The following CCL28 variants were observed in gnomAD, a reference collection of about 807,000 sequenced individuals.
CCL28 encodes C-C motif chemokine ligand 28.
CCL28 carries 4 observed loss-of-function variants against 7.1 expected under a neutral mutation model. The observed-to-expected ratio is 0.56, with a 90% CI of 0.28 to 1.29. The LOEUF is 1.29. Ranked by LOEUF, CCL28 falls within the 50% of genes most tolerant of loss-of-function variation. CCL28 has a pLI of 0.11. For missense variants in CCL28, 151 were observed against 163.4 expected, an observed-to-expected ratio of 0.92 and a Z score of 0.41; for synonymous variants, 55 against 57.8, an observed-to-expected ratio of 0.95 and a Z score of 0.22.
rs535457897 is a variant in CCL28, at chr5:43,399,132, C to T, written c.65-10656G>A. Among the ~76,000 whole-genome samples, 346 of 152,346 alleles carry T rather than the reference C, an allele frequency of 2.3e-3. 1 individual carries two copies. Among genetic ancestry groups the T allele is most frequent in the Middle Eastern group, 0.01 (3 of 294 alleles). On this transcript the variant is annotated intron_variant, in intron 1 of 2. Transcript: ENST00000361115. ...CAACTGAAGACATCATCTCCTGCCA[C>T]TTTAAATCTACTGTTTTCCTTTTCT...
intron 1 of CCL28, among the ~76,000 whole-genome samples, chr5:43,403,829 C>A (rs1236414512): frequency 6.6e-6 from 1 of 152,286 alleles, no homozygotes; most frequent in Middle Eastern, 3.4e-3. Context: ...CCTGATGGAG[C>A]TGAAAACCAC....
At chr5:43,374,780 CAAA>C (rs10540720), downstream of CCL28, among the ~76,000 whole-genome samples, 380 of 109,374 alleles carry the variant, frequency 3.5e-3, 2 homozygotes, top group African/African-American at 8.4e-3. Flanking sequence ...GACTCTGTCT[CAAA>C]AAAAAAAAAA....
At position 43,381,320 on chromosome 5, in the gene CCL28, T is replaced by C. The variant is rs2111692039; in HGVS notation, c.*540A>G. On this transcript the variant is annotated 3_prime_UTR_variant, in exon 3 of 3. Transcript: ENST00000361115. Reference sequence around the variant, plus strand: ...AGTTTGGAAAACTATAATTAAAAAGTTGGGAGAAGTTATATCTATATGCTC... The same window carrying C: ...AGTTTGGAAAACTATAATTAAAAAGCTGGGAGAAGTTATATCTATATGCTC... 1 of 152,292 alleles carries C rather than the reference T, an allele frequency of 6.6e-6. No homozygotes were observed. The highest frequency in any genetic ancestry group is 3.4e-3 in the Middle Eastern group (1 of 294). The allele number at this position is 152,292 out of a possible 1,614,324, so 9.4% of individuals were successfully genotyped here.
downstream of CCL28, among the ~76,000 whole-genome samples, chr5:43,376,263 A>T (rs1399009516): frequency 6.6e-6 from 1 of 152,092 alleles, no homozygotes; most frequent in African/African-American, 2.4e-5. Context: ...TAGATTCTAG[A>T]CCAGTTGTTT....
At chr5:43,408,130 C>T (rs533292250) in intron 1 of CCL28, among the ~76,000 whole-genome samples, 2 of 152,318 alleles carry the variant, frequency 1.3e-5, no homozygotes, top group African/African-American at 4.8e-5. Context: ...CCAGCCATCC[C>T]ATTACTGGGC....
In CCL28 at chr5:43,407,063, T is replaced by C. The variant is rs548221025; in HGVS notation, c.64+5190A>G. ...ATCAATATCATGAAAATGGCCATAC[T>C]GCCCAAGGTAATTTATAGATTCAGT... On this transcript the variant is annotated intron_variant, in intron 1 of 2. Coordinates refer to ENST00000361115, the MANE Select transcript of CCL28 (RefSeq NM_148672.3). Among the ~76,000 whole-genome samples, 435 of 152,338 alleles carry C rather than the reference T, an allele frequency of 2.9e-3. 2 individuals are homozygous for C. The highest frequency in any genetic ancestry group is 0.01 in the African/African-American group (423 of 41,576).
chr5:43,361,771 T>C, the CCL28 span, among the ~76,000 whole-genome samples: 1 of 152,162 alleles, frequency 6.6e-6, no homozygotes, highest in African/African-American at 2.4e-5. Context: ...CTTATTTTTG[T>C]CAGCTTTGTT....
the CCL28 span, among the ~76,000 whole-genome samples, chr5:43,363,836 C>T: frequency 4.6e-5 from 7 of 152,170 alleles, no homozygotes; most frequent in Non-Finnish European, 8.8e-5. Flanking sequence ...CTGCTGCTAA[C>T]CCATAAAGGG....
chr5:43,402,466 G>A (rs72756506), intron 1 of CCL28, among the ~76,000 whole-genome samples: 2,447 of 152,304 alleles, frequency 0.016, 23 homozygotes, highest in Middle Eastern at 0.037. Flanking sequence ...TAGATATACT[G>A]TTATCTATGA....
chr5:43,405,215 A>T (rs185278906), intron 1 of CCL28, among the ~76,000 whole-genome samples: 3 of 152,244 alleles, frequency 2.0e-5, no homozygotes, highest in Non-Finnish European at 4.4e-5. Flanking sequence ...TCTTCTTAGC[A>T]TCACATTGCA....
intron 1 of CCL28, among the ~76,000 whole-genome samples, chr5:43,395,855 CTTTTTTTT>C (rs35785846): frequency 4.2e-4 from 40 of 94,236 alleles, no homozygotes; most frequent in Non-Finnish European, 1.4e-4. Flanking sequence ...TACCCCCCGC[CTTTTTTTT>C]TTTTTTTTTT....
At chr5:43,412,121 G>A in intron 1 of CCL28, 132 bp downstream of exon 1, 1 of 587,816 alleles carries the variant, frequency 1.7e-6, no homozygotes, top group Non-Finnish European at 2.8e-6. Flanking sequence ...TCTCTTGTAG[G>A]TAATCAGAAA....
Position 43,381,870 on chromosome 5 carries a change from G to A in CCL28, c.374C>T (p.Thr125Ile). The A allele has an allele frequency of 1.2e-6, 2 of 1,613,552 alleles. No individual in the cohort carries two copies. The highest frequency in any genetic ancestry group is 1.7e-6 in the Non-Finnish European group (2 of 1,179,624). ...QGKHETYGHKTPY is the reference protein window; with the variant it reads ...QGKHETYGHKIPY Reference sequence around the variant, plus strand: ...TTATCTGTAGACTCTCTAATAAGGAGTTTTATGGCCGTATGTTTCGTGTTT... The same window carrying A: ...TTATCTGTAGACTCTCTAATAAGGAATTTTATGGCCGTATGTTTCGTGTTT... The change falls in exon 3 of 3, where the codon ACT becomes ATT. Residue 125 changes from threonine (T) to isoleucine (I), a missense_variant. Transcript: ENST00000361115.
At position 43,380,228 on chromosome 5, in the gene CCL28, C is replaced by T. The variant is rs1215156918; in HGVS notation, c.*1632G>A. 1 of 152,096 alleles carries T rather than the reference C, an allele frequency of 6.6e-6. No homozygotes were observed. Among genetic ancestry groups the T allele is most frequent in the Non-Finnish European group, 1.5e-5 (1 of 68,036 alleles). The allele number at this position is 152,096 out of a possible 1,614,324, so 9.4% of individuals were successfully genotyped here. On this transcript the variant is annotated 3_prime_UTR_variant, in exon 3 of 3. Coordinates refer to ENST00000361115, the MANE Select transcript of CCL28 (RefSeq NM_148672.3). ...GAGCGTAAAATCACCACACAGAAGG[C>T]CGAACTCTGGGCCCCTAACTAGTGC...
the CCL28 span, among the ~76,000 whole-genome samples, chr5:43,359,554 T>C: frequency 0.62 from 94,875 of 152,156 alleles, 31,771 homozygotes; most frequent in African/African-American, 0.87. Context: ...ATAGCCATCA[T>C]GAACATGTCA....
chr5:43,408,737 G>A (rs1224507191), intron 1 of CCL28, among the ~76,000 whole-genome samples: 1 of 152,008 alleles, frequency 6.6e-6, no homozygotes, highest in Non-Finnish European at 1.5e-5. Context: ...AGGGGAGAGG[G>A]ATTAAAGGAA....
At chr5:43,378,978 A>T (rs1739997178), downstream of CCL28, among the ~76,000 whole-genome samples, 1 of 151,998 alleles carries the variant, frequency 6.6e-6, no homozygotes, top group African/African-American at 2.4e-5. Context: ...AAAAATAAAA[A>T]TAAAAATAAA....
chr5:43,411,055 T>C (rs1479666065), intron 1 of CCL28, among the ~76,000 whole-genome samples: 1 of 152,240 alleles, frequency 6.6e-6, no homozygotes, highest in African/African-American at 2.4e-5. Flanking sequence ...CAGAGGCTCA[T>C]CTGCTTTAGC....
chr5:43,395,431 C>A (rs1342460439), intron 1 of CCL28, among the ~76,000 whole-genome samples: 1 of 152,008 alleles, frequency 6.6e-6, no homozygotes, highest in African/African-American at 2.4e-5. Context: ...AATCCCAGTA[C>A]TTTGGGAGAC....
Sources: gnomAD v4.1 joint callset for allele counts (sites outside exome capture counted in the v4.1 genomes callset) on GRCh38, gnomAD v4.1.1 for gene constraint, MANE v1.5 for transcripts, NCBI Gene and HGNC (gene_info 2026-07-23, HGNC 2026-07-21) for gene names.